LIFR: variants seen among roughly 807,000 people sequenced by gnomAD.
LIFR encodes the protein leukemia inhibitory factor receptor.
Under a neutral mutation model 122.2 loss-of-function variants are expected in LIFR, and 84 were observed. That is an observed-to-expected ratio of 0.69 (90% CI 0.58 to 0.82). The LOEUF is 0.82. LIFR is among the 40% of genes least tolerant of loss of function. The probability of loss-of-function intolerance (pLI) is 0.00; values close to 1 mark genes in which losing one functional copy is unlikely to be tolerated. For missense variants in LIFR, 1,294 were observed against 1,311.6 expected (o/e 0.99, Z 0.21); for synonymous variants, 422 against 434.7 (o/e 0.97, Z 0.36).
chr5:38,523,744 G>A (rs375055081), intron 4 of LIFR, among the ~76,000 whole-genome samples, 162 bp from the exon 5 acceptor site: 2 of 152,170 alleles, frequency 1.3e-5, no homozygotes, highest in Non-Finnish European at 2.9e-5. Context: ...ATAAGGACAT[G>A]GACTGAGATG....
intron 1 of LIFR, among the ~76,000 whole-genome samples, chr5:38,545,150 G>A (rs1747805967): frequency 6.6e-6 from 1 of 151,914 alleles, no homozygotes; most frequent in African/African-American, 2.4e-5. Flanking sequence ...GACGCCTGTA[G>A]TCTCAGCCAC....
At chr5:38,556,844 G>C (rs1337105416), upstream of LIFR, 11 of 151,252 alleles carry the variant, frequency 7.3e-5, no homozygotes, top group African/African-American at 2.7e-4. Context: ...CCCGGACGCC[G>C]AGGGTGGTGC....
At chr5:38,559,457 G>A (rs757332513), upstream of LIFR, among the ~76,000 whole-genome samples, 74 of 152,172 alleles carry the variant, frequency 4.9e-4, no homozygotes, top group Non-Finnish European at 6.2e-4. Flanking sequence ...AGGAATTTCA[G>A]CTCAATTTCA....
intron 13 of LIFR, among the ~76,000 whole-genome samples, chr5:38,495,609 T>G: frequency 6.6e-6 from 1 of 152,292 alleles, no homozygotes; most frequent in South Asian, 2.1e-4. Context: ...GGACCCTAAC[T>G]GGACCAATTT....
chr5:38,495,772 G>A (rs748940408), intron 13 of LIFR, among the ~76,000 whole-genome samples: 43 of 152,218 alleles, frequency 2.8e-4, no homozygotes, highest in African/African-American at 4.8e-4. Context: ...AAGTTGTCAA[G>A]GCAGAAGCTG....
At position 38,584,087 on chromosome 5, in the gene LIFR, A is replaced by G. The variant is rs148203795; in HGVS notation, c.-20+11174T>C. ...ATCAGCAGCATGAAAATGGATTAAT[A>G]CAACCATGGAGATGCAAATTAAAGC... is the stretch of plus-strand genomic sequence containing the variant. On this transcript the variant is annotated intron_variant, in intron 1 of 19. Coordinates refer to the LIFR transcript ENST00000263409. Among the ~76,000 whole-genome samples the G allele has an allele frequency of 3.0e-4, 45 of 152,204 alleles. No homozygotes were observed. In the East Asian group the frequency reaches 7.3e-3, roughly 25 times the overall value.
chr5:38,596,031 C>T (rs1225287459), upstream of LIFR, among the ~76,000 whole-genome samples: 3 of 152,162 alleles, frequency 2.0e-5, no homozygotes, highest in Non-Finnish European at 4.4e-5. Context: ...CCACCGCGCC[C>T]GGCCCACAAT....
intron 1 of LIFR, among the ~76,000 whole-genome samples, chr5:38,590,784 C>T (rs528593402): frequency 2.8e-4 from 42 of 152,270 alleles, no homozygotes; most frequent in African/African-American, 9.9e-4. Flanking sequence ...GGAACTAAGA[C>T]AAAGGCAGAA....
chr5:38,528,656 A>G, intron 3 of LIFR, 70 bp downstream of exon 3: 1 of 901,450 alleles, frequency 1.1e-6, no homozygotes, highest in Non-Finnish European at 1.8e-6. Context: ...CACAAGCAAT[A>G]AGGTAAGAAC....
intron 13 of LIFR, among the ~76,000 whole-genome samples, chr5:38,494,968 A>G (rs1744804448): frequency 6.6e-6 from 1 of 152,246 alleles, no homozygotes; most frequent in Non-Finnish European, 1.5e-5. Context: ...AACAAAATGT[A>G]CATTCATAAA....
chr5:38,566,872 G>T (rs1042406094), intron 1 of LIFR, among the ~76,000 whole-genome samples: 1 of 152,054 alleles, frequency 6.6e-6, no homozygotes, highest in Non-Finnish European at 1.5e-5. Context: ...TAAAAAAAAA[G>T]AAGAAAATCC....
At chr5:38,553,671 T>TTA (rs1192165964) in intron 1 of LIFR, among the ~76,000 whole-genome samples, 1 of 114,034 alleles carries the variant, frequency 8.8e-6, no homozygotes, top group African/African-American at 3.3e-5. Context: ...TATATATATA[T>TTA]ATTATATGTA....
intron 11 of LIFR, among the ~76,000 whole-genome samples, chr5:38,500,345 G>A (rs1745113352): frequency 6.6e-6 from 1 of 152,190 alleles, no homozygotes; most frequent in Admixed American, 6.5e-5. Context: ...ATGCTTGGGA[G>A]CAAAAGTGTT....
At chr5:38,508,880 G>A (rs368190829) in intron 7 of LIFR, among the ~76,000 whole-genome samples, 121 of 152,174 alleles carry the variant, frequency 8.0e-4, no homozygotes, top group Middle Eastern at 3.4e-3. Flanking sequence ...CACCACACCC[G>A]GCCTAAATTT....
rs1448030453 is a variant in LIFR at position 38,475,278 on chromosome 5, T to A, written c.*6317A>T. ...GCTTCAGTTATCATCTAAGTGGAGT[T>A]GTTTTATTCCATATTACTCTCAGAA... On this transcript the variant is annotated 3_prime_UTR_variant, in exon 20 of 20. Transcript: ENST00000453190. The A allele has an allele frequency of 5.2e-6, 1 of 193,928 alleles. No individual in the cohort carries two copies. The highest frequency in any genetic ancestry group is 2.3e-5 in the African/African-American group (1 of 43,216). 12.0% of individuals were successfully genotyped at this position (193,928 alleles called of 1,614,324 possible). A position where few individuals can be genotyped will look rare whatever the true frequency, so the allele number is the denominator to read the frequency against.
chr5:38,521,603 G>A (rs10941396), intron 5 of LIFR, among the ~76,000 whole-genome samples: 46,593 of 152,118 alleles, frequency 0.31, 7,434 homozygotes, highest in East Asian at 0.42. Flanking sequence ...TGAGCGTCCA[G>A]GTGGCTTGCT....
chr5:38,534,654 T>C (rs1408650364), intron 1 of LIFR, among the ~76,000 whole-genome samples: 1 of 152,222 alleles, frequency 6.6e-6, no homozygotes, highest in Non-Finnish European at 1.5e-5. Context: ...GTATCAAAGA[T>C]GTTACAAGTT....
intron 1 of LIFR, among the ~76,000 whole-genome samples, chr5:38,532,648 T>C (rs1747075264): frequency 6.6e-6 from 1 of 152,200 alleles, no homozygotes; most frequent in Non-Finnish European, 1.5e-5. Context: ...TCTGGTGTGA[T>C]ACATTTACAC....
rs556477492 is a variant in LIFR at position 38,580,915 on chromosome 5, C to G, written c.-20+14346G>C. ...CAGATGCTTATTACCACTTTCTAGG[C>G]TTCTGAGAGTGGGATATGGATTCTG... On this transcript the variant is annotated intron_variant, in intron 1 of 19. Coordinates refer to the LIFR transcript ENST00000263409. Among the ~76,000 whole-genome samples the G allele has an allele frequency of 1.8e-3, 281 of 152,198 alleles. 2 individuals carry two copies. Among genetic ancestry groups the G allele is most frequent in the Non-Finnish European group, 4.4e-4 (30 of 68,008 alleles).
Sources: gnomAD v4.1 joint callset for allele counts (sites outside exome capture counted in the v4.1 genomes callset) on GRCh38, gnomAD v4.1.1 for gene constraint, MANE v1.5 for transcripts, NCBI Gene and HGNC (gene_info 2026-07-23, HGNC 2026-07-21) for gene names.